The following HECW2 variants were observed in gnomAD, a reference collection of about 807,000 sequenced individuals.
The protein encoded by HECW2 is HECT, C2 and WW domain containing E3 ubiquitin protein ligase 2, also known as E3 ubiquitin-protein ligase HECW2.
A neutral mutation model predicts 175.2 loss-of-function variants in HECW2; 61 were observed. The ratio of observed to expected loss-of-function variants is 0.35; its 90% CI spans 0.28 to 0.43. HECW2 has a LOEUF of 0.43. HECW2 is among the 20% of genes least tolerant of loss of function. The probability of loss-of-function intolerance (pLI) is 1.00; values close to 1 mark genes in which losing one functional copy is unlikely to be tolerated. For synonymous variants in HECW2, 671 were observed against 731.0 expected (o/e 0.92, Z 1.32); for missense variants, 1,524 against 2,000.5 (o/e 0.76, Z 4.54).
intron 11 of HECW2, 54 bp downstream of exon 11, chr2:196,307,881 A>G (rs1575393069): frequency 2.1e-6 from 3 of 1,423,898 alleles, no homozygotes; most frequent in South Asian, 3.4e-5. Context: ...TGTGCCAAGT[A>G]AAAATTAGCC....
At chr2:196,236,537 C>T (rs780354836) in intron 21 of HECW2, among the ~76,000 whole-genome samples, 2 of 152,086 alleles carry the variant, frequency 1.3e-5, no homozygotes, top group African/African-American at 2.4e-5. Flanking sequence ...TAGTTTCTAC[C>T]TAATGTCCCT....
intron 21 of HECW2, among the ~76,000 whole-genome samples, chr2:196,234,803 G>A (rs1029093758): frequency 4.6e-5 from 7 of 152,070 alleles, no homozygotes; most frequent in Admixed American, 3.3e-4. Flanking sequence ...CAACCCCTGC[G>A]TGCAATTTCA....
intron 18 of HECW2, among the ~76,000 whole-genome samples, chr2:196,256,785 AC>A (rs1483932725): frequency 1.3e-5 from 2 of 152,222 alleles, no homozygotes; most frequent in African/African-American, 4.8e-5. Flanking sequence ...GCTCAATACC[AC>A]AGGAGAGAGG....
chr2:196,320,446 G>A lies in HECW2; in HGVS notation c.885-7C>T, dbSNP rs1323281979. ...GTAGCTGAGCATTTGATCACTGCAA[G>A]AAGAGAAATGCTTCTTTCATCCTGA... On this transcript the variant is annotated splice_polypyrimidine_tract_variant and splice_region_variant and intron_variant, in intron 7 of 28. Coordinates refer to ENST00000644978, the MANE Select transcript of HECW2 (RefSeq NM_001348768.2). 1.9e-6 allele frequency: 3 copies of A among 1,591,254 alleles called. No individual in the cohort carries two copies. The highest frequency in any genetic ancestry group is 2.6e-6 in the Non-Finnish European group (3 of 1,160,546).
At chr2:196,496,256 T>C (rs1473957834) in intron 1 of HECW2, among the ~76,000 whole-genome samples, 7 of 152,080 alleles carry the variant, frequency 4.6e-5, no homozygotes, top group Non-Finnish European at 1.0e-4. Context: ...GTATAAGTCC[T>C]TGGGCCATGG....
At chr2:196,397,295 A>T (rs1181948145) in intron 2 of HECW2, among the ~76,000 whole-genome samples, 1 of 152,236 alleles carries the variant, frequency 6.6e-6, no homozygotes, top group Non-Finnish European at 1.5e-5. Flanking sequence ...ACCTAATATG[A>T]TGCAGGTACC....
In HECW2 at chr2:196,329,607, T is replaced by C. The variant is rs1692281800; in HGVS notation, c.539A>G (p.His180Arg). 1.9e-6 allele frequency: 3 copies of C among 1,613,614 alleles called. No individual in the cohort carries two copies. The South Asian group carries it at 3.3e-5, about 18-fold the overall frequency. ...GMEGGASGNL[H>R]SRKLVSFTLS... ...TGTAAAGCTAACAAGTTTTCGAGAA[T>C]GCAGGTTTCCTGAAGCACCTCCCTC... Residue 180 changes from histidine to arginine, a missense_variant, in exon 5 of 29, where the codon CAT becomes CGT. Around this residue, in one of 11 missense-constraint regions of HECW2, gnomAD observed 54 missense variants for 46.8 expected, o/e 1.15. Transcript: ENST00000644978.
chr2:196,325,600 G>A (rs1394501119), intron 5 of HECW2, among the ~76,000 whole-genome samples: 1 of 152,144 alleles, frequency 6.6e-6, no homozygotes, highest in African/African-American at 2.4e-5. Context: ...TGAGTAAGCA[G>A]TTCACTGAAA....
At chr2:196,269,035 G>C (rs1009466138) in intron 17 of HECW2, among the ~76,000 whole-genome samples, 18 of 152,194 alleles carry the variant, frequency 1.2e-4, no homozygotes, top group Non-Finnish European at 2.6e-4. Flanking sequence ...GCATGCTTAT[G>C]TTGGGGAAGG....
chr2:196,563,989 T>C (rs1158051548), intron 1 of HECW2, among the ~76,000 whole-genome samples: 2 of 152,206 alleles, frequency 1.3e-5, no homozygotes, highest in Non-Finnish European at 2.9e-5. Flanking sequence ...GACTATTTAC[T>C]AATCACAAAA....
At chr2:196,380,610 A>G (rs902717123) in intron 2 of HECW2, among the ~76,000 whole-genome samples, 4 of 152,222 alleles carry the variant, frequency 2.6e-5, no homozygotes, top group Non-Finnish European at 4.4e-5. Flanking sequence ...CAGGTTAACG[A>G]AAGTCCTGCA....
At chr2:196,575,916 C>A (rs1575689503) in intron 1 of HECW2, among the ~76,000 whole-genome samples, 1 of 150,920 alleles carries the variant, frequency 6.6e-6, no homozygotes, top group Non-Finnish European at 1.5e-5. Context: ...GGGAGGGCAC[C>A]AAGCCGTTTA....
Position 196,240,469 on chromosome 2 carries a change from G to A in HECW2, c.3744C>T (p.Val1248=), listed in dbSNP as rs1688406496. Residue 1248 remains valine (V), a synonymous_variant, in exon 21 of 29, where the codon GTC becomes GTT. Coordinates refer to ENST00000644978, the MANE Select transcript of HECW2 (RefSeq NM_001348768.2). ...CTCACCCTTCCTCCCCAACGAAGGT[G>A]ACATATAGCTTATTTCTCTGCAGGT... is the stretch of plus-strand genomic sequence containing the variant. ...RKDLQRNKLY[V]TFVGEEGLDY... 6.2e-7 allele frequency: 1 copy of A among 1,610,590 alleles called. No individual in the cohort carries two copies. The highest frequency in any genetic ancestry group is 8.5e-7 in the Non-Finnish European group (1 of 1,178,742).
rs1444154969 is a variant in HECW2, at chr2:196,306,617, A to G, written c.2690-5T>C. The G allele has an allele frequency of 1.9e-6, 3 of 1,610,906 alleles. No individual in the cohort carries two copies. The highest frequency in any genetic ancestry group is 1.7e-6 in the Non-Finnish European group (2 of 1,178,514). ...GGATGTTCTCCCGTCGGAAATCTAG[A>G]TGGGGCAGACCACAGAGGCGGTCAG... On this transcript the variant is annotated splice_polypyrimidine_tract_variant and splice_region_variant and intron_variant, in intron 12 of 28. Coordinates refer to ENST00000644978, the MANE Select transcript of HECW2 (RefSeq NM_001348768.2).
intron 1 of HECW2, among the ~76,000 whole-genome samples, chr2:196,439,546 G>A (rs2030995): frequency 0.95 from 143,889 of 152,208 alleles, 68,139 homozygotes; most frequent in East Asian, 1. Flanking sequence ...AACTGTTTCT[G>A]TATTAAAAAG....
intron 2 of HECW2, among the ~76,000 whole-genome samples, chr2:196,428,844 G>A (rs979326970): frequency 6.6e-6 from 1 of 152,130 alleles, no homozygotes; most frequent in Non-Finnish European, 1.5e-5. Context: ...AGCTGTGTTA[G>A]TGGCTCTATT....
At chr2:196,294,770 C>T (rs540233559) in intron 13 of HECW2, among the ~76,000 whole-genome samples, 50 of 152,126 alleles carry the variant, frequency 3.3e-4, no homozygotes, top group Non-Finnish European at 6.2e-4. Flanking sequence ...GAGCTTTCTT[C>T]CCTTTGACAC....
intron 1 of HECW2, among the ~76,000 whole-genome samples, chr2:196,544,879 C>T (rs1689357667): frequency 6.6e-6 from 1 of 152,194 alleles, no homozygotes; most frequent in Non-Finnish European, 1.5e-5. Context: ...GACCTCGAAC[C>T]TCATACTTTG....
In HECW2 at chr2:196,424,112, A is replaced by G. The variant is rs1243589431; in HGVS notation, c.292+9020T>C. 3.3e-5 allele frequency among the ~76,000 whole-genome samples: 5 copies of G among 152,040 alleles called. No individual in the cohort carries two copies. In the East Asian group the frequency reaches 7.7e-4, roughly 23 times the overall value. On this transcript the variant is annotated intron_variant, in intron 2 of 28. Transcript: ENST00000644978. ...TTATTGCAATATTTCAAGCTTTTTC[A>G]TTATTATTATGCCTGTCGTGATGAT...
Sources: gnomAD v4.1 joint callset for allele counts (sites outside exome capture counted in the v4.1 genomes callset) on GRCh38, gnomAD v4.1.1 for gene constraint, gnomAD v4.1.1 regional missense constraint, MANE v1.5 for transcripts, NCBI Gene and HGNC (gene_info 2026-07-23, HGNC 2026-07-21) for gene names.